Variants in DMD observed in about 807,000 individuals in gnomAD.
DMD encodes the protein mutant dystrophin.
A neutral mutation model predicts 330.1 loss-of-function variants in DMD; 63 were observed. That is an observed-to-expected ratio of 0.19 (90% confidence interval 0.16 to 0.24). The LOEUF (loss-of-function observed/expected upper bound fraction) is 0.24, where lower values mean the gene tolerates loss of function less well. Ranked by LOEUF, DMD falls within the 10% of genes least tolerant of loss-of-function variation. The probability of loss-of-function intolerance (pLI) is 1.00; values close to 1 mark genes in which losing one functional copy is unlikely to be tolerated. For missense variants in DMD, 3,344 were observed against 2,684.1 expected (o/e 1.25, Z -5.43); for synonymous variants, 1,223 against 959.8 (o/e 1.27, Z -5.07).
In DMD at chrX:31,223,037, C is replaced by T. The variant is rs2147070460; in HGVS notation, c.9361+10G>A. ...AGTATCAAGATCTTCAAATACTGGCCAATACTTACAGCAAAGGGCCTTCTG... is the reference window on the plus strand; with the variant it reads ...AGTATCAAGATCTTCAAATACTGGCTAATACTTACAGCAAAGGGCCTTCTG... On this transcript the variant is annotated intron_variant, in intron 64 of 78. Coordinates refer to ENST00000357033, the MANE Select transcript of DMD (RefSeq NM_004006.3). 1 of 1,199,767 alleles carries T rather than the reference C, an allele frequency of 8.3e-7. No individual in the cohort carries two copies. Among genetic ancestry groups the T allele is most frequent in the East Asian group, 3.0e-5 (1 of 33,793 alleles).
chrX:32,244,373 G>C (rs1275981236), intron 43 of DMD, among the ~76,000 whole-genome samples: 3 of 87,377 alleles, frequency 3.4e-5, no homozygotes, highest in African/African-American at 8.6e-5. Flanking sequence ...TTGGACATTT[G>C]GGTTGGTTCC....
At chrX:32,335,509 T>TAA (rs1304871751) in intron 41 of DMD, among the ~76,000 whole-genome samples, 4 of 63,547 alleles carry the variant, frequency 6.3e-5, no homozygotes, top group Non-Finnish European at 1.1e-4. Flanking sequence ...GTTATATATA[T>TAA]AACATGTGTA....
intron 1 of DMD, among the ~76,000 whole-genome samples, chrX:33,293,187 C>T (rs976208105): frequency 9.0e-5 from 10 of 111,315 alleles, no homozygotes; most frequent in Admixed American, 8.7e-4. Flanking sequence ...CTCTTTTTCA[C>T]CCTAGACCTG....
At position 32,551,976 on chromosome X, in the gene DMD, G is replaced by C. The variant is rs187028912; in HGVS notation, c.1993-6642C>G. Among the ~76,000 whole-genome samples, 554 of 111,991 alleles carry C rather than the reference G, an allele frequency of 4.9e-3. 3 individuals are homozygous for C. The highest frequency in any genetic ancestry group is 8.4e-3 in the Non-Finnish European group (446 of 53,159). Reference sequence around the variant, plus strand: ...CAAAATATTGCTCAAGTAACTCAGAGATAACACACAAAAAATGGAAAAATA... The same window carrying C: ...CAAAATATTGCTCAAGTAACTCAGACATAACACACAAAAAATGGAAAAATA... On this transcript the variant is annotated intron_variant, in intron 16 of 78. Coordinates refer to ENST00000357033, the MANE Select transcript of DMD (RefSeq NM_004006.3).
At chrX:32,302,493 TTGTA>T (rs1265302656) in intron 42 of DMD, among the ~76,000 whole-genome samples, 1 of 111,619 alleles carries the variant, frequency 9.0e-6, no homozygotes, top group Non-Finnish European at 1.9e-5. Context: ...GTGGCTTAGC[TTGTA>T]TGTATTCTCT....
chrX:32,088,887 C>T (rs2096457909), intron 44 of DMD, among the ~76,000 whole-genome samples: 1 of 111,033 alleles, frequency 9.0e-6, no homozygotes, highest in Admixed American at 9.6e-5. Context: ...GTGTTCAGTC[C>T]GAGCCCTAAA....
At chrX:31,448,001 A>T (rs1284759479) in intron 59 of DMD, among the ~76,000 whole-genome samples, 2 of 86,738 alleles carry the variant, frequency 2.3e-5, no homozygotes, top group South Asian at 1.2e-3. Context: ...ACCCAGCAAG[A>T]CTCTGTCTCC....
At chrX:32,598,579 A>G (rs1251852009) in intron 12 of DMD, among the ~76,000 whole-genome samples, 1 of 112,126 alleles carries the variant, frequency 8.9e-6, no homozygotes, top group Non-Finnish European at 1.9e-5. Context: ...TTACATGTAA[A>G]TTGCTTTTTC....
chrX:31,970,040 G>T (rs2095385243), intron 44 of DMD, among the ~76,000 whole-genome samples: 1 of 111,680 alleles, frequency 9.0e-6, no homozygotes, highest in African/African-American at 3.3e-5. Context: ...ATATTAGGTT[G>T]GTGCAAAAGT....
At chrX:31,798,011 A>T (rs2091904704) in intron 50 of DMD, among the ~76,000 whole-genome samples, 1 of 112,134 alleles carries the variant, frequency 8.9e-6, no homozygotes, top group South Asian at 3.7e-4. Context: ...TTCTCAAACA[A>T]TATTTTTGCT....
intron 2 of DMD, among the ~76,000 whole-genome samples, chrX:32,852,284 C>CA (rs1396396353): frequency 9.0e-6 from 1 of 111,461 alleles, no homozygotes; most frequent in African/African-American, 3.3e-5. Flanking sequence ...TAAATACACC[C>CA]AGGGCCAGAA....
intron 12 of DMD, among the ~76,000 whole-genome samples, chrX:32,601,557 G>A (rs1326103597): frequency 2.7e-5 from 3 of 111,601 alleles, no homozygotes; most frequent in African/African-American, 9.7e-5. Flanking sequence ...AAATAAAGTA[G>A]ACAATTAATG....
chrX:31,211,226 C>T (rs1240816469), intron 64 of DMD, among the ~76,000 whole-genome samples: 1 of 112,028 alleles, frequency 8.9e-6, no homozygotes, highest in Non-Finnish European at 1.9e-5. Flanking sequence ...AAGAAGACTG[C>T]GTGGGAGGCT....
intron 44 of DMD, among the ~76,000 whole-genome samples, chrX:32,100,241 T>C (rs1170163050): frequency 9.1e-6 from 1 of 110,468 alleles, no homozygotes; most frequent in Non-Finnish European, 1.9e-5. Context: ...TTACATTATC[T>C]TGAACATATA....
chrX:32,062,560 G>C (rs1436261998), intron 44 of DMD, among the ~76,000 whole-genome samples: 11 of 111,064 alleles, frequency 9.9e-5, no homozygotes, highest in Non-Finnish European at 1.9e-4. Flanking sequence ...GGGCAAGGCA[G>C]AAATGTATCA....
chrX:32,828,975 TC>T (rs1000689181), intron 4 of DMD, among the ~76,000 whole-genome samples: 1 of 111,849 alleles, frequency 8.9e-6, no homozygotes, highest in African/African-American at 3.2e-5. Context: ...AGTTTTCTTT[TC>T]CTTCTTGAAT....
chrX:32,678,245 G>C (rs2062105505), intron 9 of DMD, among the ~76,000 whole-genome samples: 1 of 112,354 alleles, frequency 8.9e-6, no homozygotes, highest in African/African-American at 3.2e-5. Flanking sequence ...AATCTGTTGA[G>C]TGTCCTTACA....
intron 11 of DMD, among the ~76,000 whole-genome samples, chrX:32,623,763 G>A (rs1424407496): frequency 1.8e-5 from 2 of 110,786 alleles, no homozygotes; most frequent in Non-Finnish European, 3.8e-5. Context: ...CTGGTCTCCA[G>A]CTATCCTCCT....
At chrX:32,771,528 T>C (rs7065351) in intron 7 of DMD, among the ~76,000 whole-genome samples, 9,072 of 102,985 alleles carry the variant, frequency 0.088, 986 homozygotes, top group African/African-American at 0.31. Flanking sequence ...ACACACACTC[T>C]GCCACTACTC....
Sources: gnomAD v4.1 joint callset for allele counts (sites outside exome capture counted in the v4.1 genomes callset) on GRCh38, gnomAD v4.1.1 for gene constraint, MANE v1.5 for transcripts, NCBI Gene and HGNC (gene_info 2026-07-23, HGNC 2026-07-21) for gene names.